The following RTL1 variants were observed in gnomAD, a reference collection of about 807,000 sequenced individuals.
RTL1 encodes the protein retrotransposon Gag like 1, also known as retrotransposon-like protein 1.
For synonymous variants in RTL1, 727 were observed against 748.4 expected (o/e 0.97, Z 0.47); for missense variants, 1,681 against 1,767.5 (o/e 0.95, Z 0.88).
chr14:100,886,445 T>A (rs1486019891), intron 3 of RTL1, among the ~76,000 whole-genome samples: 1 of 152,196 alleles, frequency 6.6e-6, no homozygotes, highest in Non-Finnish European at 1.5e-5. Context: ...ATCTGACATG[T>A]AAACTCACCA....
chr14:100,901,069 C>T (rs901295423), intron 2 of RTL1, among the ~76,000 whole-genome samples: 3 of 152,212 alleles, frequency 2.0e-5, no homozygotes, highest in African/African-American at 4.8e-5. Flanking sequence ...TGCTGCCCCC[C>T]CACGGCGGGT....
chr14:100,885,799 C>A (rs1595337168), intron 3 of RTL1, among the ~76,000 whole-genome samples: 1 of 152,196 alleles, frequency 6.6e-6, no homozygotes, highest in South Asian at 2.1e-4. Flanking sequence ...GCAAGCATAT[C>A]TGCACGCCTC....
chr14:100,890,074 G>GAAAAAAAAAA (rs55688942), intron 3 of RTL1, among the ~76,000 whole-genome samples: 16 of 123,858 alleles, frequency 1.3e-4, no homozygotes, highest in Non-Finnish European at 2.0e-4. Context: ...CGCCTTATTT[G>GAAAAAAAAAA]AAAAAAAAAA....
At chr14:100,898,613 T>C (rs566775255) in intron 2 of RTL1, among the ~76,000 whole-genome samples, 64 of 152,384 alleles carry the variant, frequency 4.2e-4, no homozygotes, top group South Asian at 2.9e-3. Flanking sequence ...CTTGCCAGCC[T>C]CAGCCCCTCC....
intron 3 of RTL1, among the ~76,000 whole-genome samples, chr14:100,890,502 G>A (rs1195091554): frequency 1.3e-5 from 2 of 151,750 alleles, no homozygotes; most frequent in Non-Finnish European, 2.9e-5. Flanking sequence ...GGAGGAGGGT[G>A]GGAGGCTGGG....
At chr14:100,895,244 G>T (rs2038839263) in intron 2 of RTL1, among the ~76,000 whole-genome samples, 1 of 152,168 alleles carries the variant, frequency 6.6e-6, no homozygotes, top group South Asian at 2.1e-4. Flanking sequence ...ATCTGGGATG[G>T]GGCTCAGGGG....
At chr14:100,890,042 T>G (rs912043185) in intron 3 of RTL1, among the ~76,000 whole-genome samples, 23 of 128,026 alleles carry the variant, frequency 1.8e-4, no homozygotes, top group Non-Finnish European at 3.1e-4. Flanking sequence ...CTTTAAGAAA[T>G]ATCTACTGAT....
At chr14:100,891,254 G>A (rs947010892) in intron 3 of RTL1, among the ~76,000 whole-genome samples, 7 of 152,152 alleles carry the variant, frequency 4.6e-5, no homozygotes, top group Admixed American at 2.0e-4. Context: ...GTGGGAGGCC[G>A]TTGGCATCTC....
Position 100,884,013 on chromosome 14 carries a change from T to G in RTL1, c.776A>C (p.Glu259Ala). The change falls in exon 4 of 4, where the codon GAA becomes GCA. Residue 259 changes from glutamate (E) to alanine (A), a missense_variant. Glu to Ala is a moderately radical substitution (Grantham distance 107). Transcript: ENST00000649591. ...GAAGTCTCCGATCAGGGGGCTGTTT[T>G]CCTGCAGTAGAGCTTTGGCCCATTC... ...ALEWAKALLQ[E>A]NSPLIGDFPA... 1 of 1,551,738 alleles carries G rather than the reference T, an allele frequency of 6.4e-7. No individual in the cohort carries two copies. Among genetic ancestry groups the G allele is most frequent in the Non-Finnish European group, 8.7e-7 (1 of 1,147,008 alleles).
rs2038621440 is a variant in RTL1 at position 100,881,991 on chromosome 14, A to G, written c.2798T>C (p.Val933Ala). 6 of 1,613,626 alleles carry G rather than the reference A, an allele frequency of 3.7e-6. No homozygotes were observed. Among genetic ancestry groups the G allele is most frequent in the Non-Finnish European group, 5.1e-6 (6 of 1,179,882 alleles). ...KILPIRAAFM[V>A]WCRYLENTEE... ...GGTGTTCTCCAGGTAGCGGCACCAC[A>G]CCATGAAGGCAGCCCGTATTGGAAG... is the stretch of plus-strand genomic sequence containing the variant. Residue 933 changes from valine to alanine, a missense_variant, in exon 4 of 4, where the codon GTG (valine) becomes GCG (alanine). Physicochemically the swap from Val to Ala is moderately conservative, Grantham distance 64. Coordinates refer to ENST00000649591, the MANE Select transcript of RTL1 (RefSeq NM_001134888.3). This position sits in a 1 kb window ranked among gnomAD's most constrained non-coding sequence, Gnocchi z 6.6.
chr14:100,891,543 G>A (rs1050591945), intron 3 of RTL1, among the ~76,000 whole-genome samples: 32 of 152,214 alleles, frequency 2.1e-4, no homozygotes, highest in African/African-American at 5.5e-4. Context: ...GCCCAGCAGC[G>A]CTCCTGCTGC....
chr14:100,895,273 A>T lies in RTL1; in HGVS notation c.-148-1768T>A, dbSNP rs531515545. 4.6e-5 allele frequency among the ~76,000 whole-genome samples: 7 copies of T among 152,176 alleles called. No individual in the cohort carries two copies. The South Asian group carries it at 1.5e-3, about 32-fold the overall frequency. On this transcript the variant is annotated intron_variant, in intron 2 of 3. Transcript: ENST00000649591. ...TCAGGGGTCTACCTGGAGGTCAGAG[A>T]GGGCAGGATCTGCTTAGGGGAGATG...
chr14:100,880,557 G>C lies in RTL1; in HGVS notation c.*155C>G, dbSNP rs1351315870. 7.1e-7 allele frequency: 1 copy of C among 1,401,976 alleles called. No homozygotes were observed. Among genetic ancestry groups the C allele is most frequent in the African/African-American group, 1.4e-5 (1 of 69,054 alleles). 86.8% of individuals were successfully genotyped at this position (1,401,976 alleles called of 1,614,324 possible). On this transcript the variant is annotated 3_prime_UTR_variant, in exon 4 of 4. Transcript: ENST00000649591. ...AGGTGGCATTGCTGGTTGATGAGTT[G>C]AAGAAGTTGTTGCCCTTCACAAGTG... is the stretch of plus-strand genomic sequence containing the variant.
In RTL1 at chr14:100,893,045, T is replaced by C. The variant is rs928505985; in HGVS notation, c.-87+399A>G. Among the ~76,000 whole-genome samples the C allele has an allele frequency of 6.6e-6, 1 of 151,968 alleles. No individual in the cohort carries two copies. The highest frequency in any genetic ancestry group is 1.5e-5 in the Non-Finnish European group (1 of 68,000). ...GGTTGGCAGTTGCCATTTGGGAAAC[T>C]GTTGGGACCTTCAGAGCCAGAGATG... On this transcript the variant is annotated intron_variant, in intron 3 of 3. Coordinates refer to ENST00000649591, the MANE Select transcript of RTL1 (RefSeq NM_001134888.3). This position sits in a 1 kb window ranked among gnomAD's most constrained non-coding sequence, Gnocchi z 4.2.
intron 2 of RTL1, chr14:100,897,929 G>C (rs756279433): frequency 1.7e-5 from 9 of 515,566 alleles, no homozygotes; most frequent in African/African-American, 1.5e-4. Context: ...CTGGACCAAT[G>C]ATGAGACAGT....
chr14:100,883,917 A>G lies in RTL1; in HGVS notation c.872T>C (p.Met291Thr). 3 of 1,551,620 alleles carry G rather than the reference A, an allele frequency of 1.9e-6. No homozygotes were observed. Among genetic ancestry groups the G allele is most frequent in the Non-Finnish European group, 2.6e-6 (3 of 1,146,988 alleles). ...RQALRVAEEAMFTIRQGGRSA... is the reference protein window; with the variant it reads ...RQALRVAEEATFTIRQGGRSA... ...GCGGCCGCCCTGCCTGATGGTGAAC[A>G]TGGCCTCTTCTGCCACACGCAGTGC... Residue 291 changes from methionine to threonine, a missense_variant, in exon 4 of 4, where the codon ATG becomes ACG. Coordinates refer to ENST00000649591, the MANE Select transcript of RTL1 (RefSeq NM_001134888.3). This position sits in a 1 kb window ranked among gnomAD's most constrained non-coding sequence, Gnocchi z 5.9.
chr14:100,899,125 G>T (rs1368191561), intron 2 of RTL1: 1 of 152,288 alleles, frequency 6.6e-6, no homozygotes, highest in Non-Finnish European at 1.5e-5. Context: ...CACCCTTCTG[G>T]GTGGGGCTCA....
intron 3 of RTL1, among the ~76,000 whole-genome samples, chr14:100,885,873 AAT>A (rs1566755446): frequency 6.6e-6 from 1 of 152,066 alleles, no homozygotes; most frequent in African/African-American, 2.4e-5. Context: ...CTTTCTAGCA[AAT>A]ATCTTTTTCT....
At position 100,883,423 on chromosome 14, in the gene RTL1, G is replaced by C. The variant is rs1490572303; in HGVS notation, c.1366C>G (p.Pro456Ala). ...CCGTCCACGGATTGGACCGGCTGTG[G>C]GTACGGCTTCTCGTAGAGCTCGACG... ...HYVELYEKPYPQPVQSVDGSL... is the reference protein window; with the variant it reads ...HYVELYEKPYAQPVQSVDGSL... The change falls in exon 4 of 4, where the codon CCA becomes GCA. Residue 456 changes from proline (P) to alanine (A), a missense_variant. Transcript: ENST00000649591. This position sits in a 1 kb window ranked among gnomAD's most constrained non-coding sequence, Gnocchi z 5.9. 1.9e-6 allele frequency: 3 copies of C among 1,550,410 alleles called. No individual in the cohort carries two copies. The highest frequency in any genetic ancestry group is 2.6e-6 in the Non-Finnish European group (3 of 1,146,178).
Sources: allele counts gnomAD v4.1 joint callset (sites outside exome capture counted in the v4.1 genomes callset), GRCh38; gene constraint gnomAD v4.1.1; non-coding constraint Gnocchi (gnomAD v3.1); transcripts MANE v1.5; gene names NCBI Gene and HGNC (gene_info 2026-07-23, HGNC 2026-07-21).